Variants in MEI4 observed in about 807,000 individuals in gnomAD.
The protein encoded by MEI4 is meiosis-specific protein MEI4.
Under a neutral mutation model 31.4 loss-of-function variants are expected in MEI4, and 27 were observed. The observed-to-expected ratio is 0.86, with a 90% CI of 0.63 to 1.19. The LOEUF is 1.19. Among genes scored for constraint, MEI4 ranks in the 50% most tolerant of loss-of-function variants. The pLI is 0.00. For missense variants in MEI4, 329 were observed against 398.9 expected, an observed-to-expected ratio of 0.82 and a Z score of 1.49; for synonymous variants, 122 against 145.4, an observed-to-expected ratio of 0.84 and a Z score of 1.16.
intron 1 of MEI4, among the ~76,000 whole-genome samples, 142 bp downstream of exon 1, chr6:77,653,234 T>C (rs1278208016): frequency 6.6e-6 from 1 of 152,220 alleles, no homozygotes; most frequent in African/African-American, 2.4e-5. Flanking sequence ...AAATATGAAC[T>C]AAGTAGACAT....
intron 1 of MEI4, among the ~76,000 whole-genome samples, chr6:77,674,113 C>G (rs970320592): frequency 6.6e-6 from 1 of 152,168 alleles, no homozygotes; most frequent in African/African-American, 2.4e-5. Context: ...AAAAAGACAA[C>G]TTTCTGCATT....
Position 77,923,817 on chromosome 6 carries a change from T to TATATC in MEI4, c.*474_*478dup, listed in dbSNP as rs1279372991. ...AAACTTTTTCTTACATAGTTGAACT[T>TATATC]ATATCATTGCTTTCACCTTAGACGA... is the stretch of plus-strand genomic sequence containing the variant. On this transcript the variant is annotated 3_prime_UTR_variant, in exon 5 of 5. Transcript: ENST00000684080. 3 of 151,856 alleles carry TATATC rather than the reference T, an allele frequency of 2.0e-5. No homozygotes were observed. In the Admixed American group the frequency reaches 2.0e-4, roughly 10 times the overall value. The allele number at this position is 151,856 out of a possible 1,614,324, so 9.4% of individuals were successfully genotyped here. A position where few individuals can be genotyped will look rare whatever the true frequency, so the allele number is the denominator to read the frequency against.
chr6:77,653,665 A>G (rs191919770), intron 1 of MEI4, among the ~76,000 whole-genome samples: 8 of 152,326 alleles, frequency 5.3e-5, no homozygotes, highest in East Asian at 3.9e-4. Flanking sequence ...TGGGCCTTCT[A>G]TGATGTGGAA....
chr6:77,696,414 C>G (rs1381307603), intron 2 of MEI4, among the ~76,000 whole-genome samples: 1 of 152,100 alleles, frequency 6.6e-6, no homozygotes, highest in Admixed American at 6.6e-5. Context: ...TCATAGACAG[C>G]TCTTATTATT....
At chr6:77,854,973 C>T (rs1286868518) in intron 4 of MEI4, among the ~76,000 whole-genome samples, 2 of 63,386 alleles carry the variant, frequency 3.2e-5, no homozygotes, top group African/African-American at 1.3e-4. Flanking sequence ...TAATAATAGA[C>T]ATTGTGGGGG....
Position 77,744,215 on chromosome 6 carries a change from C to G in MEI4, c.233-16915C>G, listed in dbSNP as rs1259494265. ...AAACCAAAGGCAAAGAAGTTAAAAGCTTTGAAAAAAATTTAGACGAATGTA... is the reference window on the plus strand; with the variant it reads ...AAACCAAAGGCAAAGAAGTTAAAAGGTTTGAAAAAAATTTAGACGAATGTA... On this transcript the variant is annotated intron_variant, in intron 2 of 4. Transcript: ENST00000684080. Among the ~76,000 whole-genome samples, 4 of 152,122 alleles carry G rather than the reference C, an allele frequency of 2.6e-5. No individual in the cohort carries two copies. In the South Asian group the frequency reaches 6.2e-4, roughly 24 times the overall value.
Position 77,771,744 on chromosome 6 carries a change from A to G in MEI4, c.768+10079A>G, listed in dbSNP as rs567162356. Among the ~76,000 whole-genome samples the G allele has an allele frequency of 2.4e-4, 36 of 152,230 alleles. No homozygotes were observed. The South Asian group carries it at 7.0e-3, about 30-fold the overall frequency. On this transcript the variant is annotated intron_variant, in intron 3 of 4. Coordinates refer to ENST00000684080, the MANE Select transcript of MEI4 (RefSeq NM_001322247.2). ...AATGGGAGCTAAATAACAAGCACAC[A>G]TGGACACAAGGAGGGTAACAATAGA...
At chr6:77,754,621 C>A (rs1473772861) in intron 2 of MEI4, among the ~76,000 whole-genome samples, 1 of 152,172 alleles carries the variant, frequency 6.6e-6, no homozygotes, top group Non-Finnish European at 1.5e-5. Context: ...TATGCAGTAC[C>A]AATTTCTTGT....
chr6:77,689,305 A>C (rs1291422198), intron 1 of MEI4, among the ~76,000 whole-genome samples: 2 of 152,086 alleles, frequency 1.3e-5, no homozygotes, highest in Admixed American at 1.3e-4. Flanking sequence ...ATGGCTAAGT[A>C]ATATTCATTT....
intron 2 of MEI4, among the ~76,000 whole-genome samples, chr6:77,746,514 C>T (rs190198182): frequency 9.2e-5 from 14 of 152,140 alleles, no homozygotes; most frequent in Admixed American, 7.9e-4. Flanking sequence ...CTTAAGTCTG[C>T]CAGTTTTTGG....
At chr6:77,807,188 G>T (rs1458062359) in intron 3 of MEI4, among the ~76,000 whole-genome samples, 3 of 149,292 alleles carry the variant, frequency 2.0e-5, no homozygotes, top group Non-Finnish European at 4.4e-5. Context: ...GTGAATCAAT[G>T]AATTACAAAT....
chr6:77,876,206 A>G (rs1278163378), intron 4 of MEI4, among the ~76,000 whole-genome samples: 1 of 152,206 alleles, frequency 6.6e-6, no homozygotes, highest in African/African-American at 2.4e-5. Flanking sequence ...TATGGTTTGA[A>G]TGTATCCCCC....
chr6:77,807,883 T>C (rs1053419275), intron 3 of MEI4, among the ~76,000 whole-genome samples: 1 of 152,196 alleles, frequency 6.6e-6, no homozygotes, highest in African/African-American at 2.4e-5. Flanking sequence ...GCATAAGATA[T>C]CTTTATGAGT....
At chr6:77,681,109 G>A (rs1484290996) in intron 1 of MEI4, among the ~76,000 whole-genome samples, 6 of 152,076 alleles carry the variant, frequency 3.9e-5, no homozygotes, top group Non-Finnish European at 8.8e-5. Flanking sequence ...TGAAGCTGAG[G>A]CCCTGGCTCA....
chr6:77,827,590 G>T (rs1379261137), intron 3 of MEI4, among the ~76,000 whole-genome samples: 1 of 152,006 alleles, frequency 6.6e-6, no homozygotes, highest in Admixed American at 6.6e-5. Flanking sequence ...AATCTGGGAA[G>T]AATTACTTCT....
intron 4 of MEI4, among the ~76,000 whole-genome samples, chr6:77,856,679 C>T (rs866141108): frequency 1.1e-4 from 17 of 152,156 alleles, no homozygotes; most frequent in Admixed American, 6.5e-4. Context: ...GGCTAAGGCC[C>T]GGCATCCAGA....
intron 3 of MEI4, among the ~76,000 whole-genome samples, chr6:77,794,791 T>G (rs1264511354): frequency 2.0e-5 from 3 of 152,128 alleles, no homozygotes; most frequent in Non-Finnish European, 2.9e-5. Context: ...AGAATACACA[T>G]TTTTTCAAGT....
At chr6:77,789,460 G>T (rs926060761) in intron 3 of MEI4, among the ~76,000 whole-genome samples, 19 of 152,182 alleles carry the variant, frequency 1.2e-4, no homozygotes, top group African/African-American at 4.6e-4. Flanking sequence ...CCATCAGAGT[G>T]AACAGGCAAC....
chr6:77,850,742 T>G (rs1770597500), intron 4 of MEI4, among the ~76,000 whole-genome samples: 1 of 152,152 alleles, frequency 6.6e-6, no homozygotes, highest in African/African-American at 2.4e-5. Flanking sequence ...ACTTCATGTC[T>G]AAAACACCAA....
Sources: allele counts gnomAD v4.1 joint callset (sites outside exome capture counted in the v4.1 genomes callset), GRCh38; gene constraint gnomAD v4.1.1; transcripts MANE v1.5; gene names NCBI Gene and HGNC (gene_info 2026-07-23, HGNC 2026-07-21).